The following LRP1 variants were observed in gnomAD, a reference collection of about 807,000 sequenced individuals.
The protein encoded by LRP1 is prolow-density lipoprotein receptor-related protein 1.
A neutral mutation model predicts 541.5 loss-of-function variants in LRP1; 51 were observed. The ratio of observed to expected loss-of-function variants is 0.09; its 90% CI spans 0.08 to 0.12. The LOEUF (loss-of-function observed/expected upper bound fraction) is 0.12. Ranked by LOEUF, LRP1 falls within the 10% of genes least tolerant of loss-of-function variation. The probability of loss-of-function intolerance (pLI) is 1.00; values close to 1 mark genes in which losing one functional copy is unlikely to be tolerated. For missense variants in LRP1, 3,878 were observed against 6,376.2 expected, an observed-to-expected ratio of 0.61 and a Z score of 13.34; for synonymous variants, 2,219 against 2,470.8, an observed-to-expected ratio of 0.90 and a Z score of 3.02.
Position 57,183,692 on chromosome 12 carries a change from C to T in LRP1, c.5795-83C>T. The stretch of plus-strand genomic sequence containing the variant: ...TGGCCCCTCCGGCACTCTCTCACCT[C>T]TGTCTTGAGCCTTGTGAGATTTTGA... On this transcript the variant is annotated intron_variant, in intron 35 of 88. Coordinates refer to ENST00000243077, the MANE Select transcript of LRP1 (RefSeq NM_002332.3). The surrounding 1 kb of genome is among the most constrained non-coding windows in gnomAD (Gnocchi z 6.1). The T allele has an allele frequency of 6.4e-7, 1 of 1,573,572 alleles. No homozygotes were observed. Among genetic ancestry groups the T allele is most frequent in the East Asian group, 2.2e-5 (1 of 44,618 alleles).
At chr12:57,202,563 C>CCCCCCA in intron 68 of LRP1, 26 bp downstream of exon 68, 5 of 1,488,548 alleles carry the variant, frequency 3.4e-6, no homozygotes, top group South Asian at 1.2e-5. Flanking sequence ...CCCAGCCCCG[C>CCCCCCA]ATGAGCCCCT....
chr12:57,162,713 GT>G lies in LRP1; in HGVS notation c.2405-144del. 2 of 1,082,816 alleles carry G rather than the reference GT, an allele frequency of 1.8e-6. No homozygotes were observed. The highest frequency in any genetic ancestry group is 2.7e-6 in the Non-Finnish European group (2 of 753,752). 67.1% of individuals were successfully genotyped at this position (1,082,816 alleles called of 1,614,324 possible). A position where few individuals can be genotyped will look rare whatever the true frequency, so the allele number is the denominator to read the frequency against. On this transcript the variant is annotated intron_variant, in intron 14 of 88. Transcript: ENST00000243077. This position sits in a 1 kb window ranked among gnomAD's most constrained non-coding sequence, Gnocchi z 5.2. ...ATTTCCCTTCCTGCCCCATGTCTGT[GT>G]CTCCTGTTCTTCAACATGATCTTCT...
intron 20 of LRP1, among the ~76,000 whole-genome samples, chr12:57,172,687 C>A (rs1297764487): frequency 6.6e-6 from 1 of 152,178 alleles, no homozygotes; most frequent in Non-Finnish European, 1.5e-5. Context: ...GCTTTATCTC[C>A]ATAGCTTTAT....
intron 48 of LRP1, 128 bp downstream of exon 48, chr12:57,194,140 A>G (rs949609323): frequency 9.8e-7 from 1 of 1,023,152 alleles, no homozygotes; most frequent in Admixed American, 2.1e-5. Flanking sequence ...GACAGCCTCC[A>G]TCTCCCTGAG....
At chr12:57,137,744 T>C (rs1201181541) in intron 1 of LRP1, among the ~76,000 whole-genome samples, 7 of 149,906 alleles carry the variant, frequency 4.7e-5, no homozygotes, top group Admixed American at 2.0e-4. Context: ...TGCGGTGAGC[T>C]GAGATTGTGC....
intron 1 of LRP1, among the ~76,000 whole-genome samples, chr12:57,136,395 G>GGCCCCCC: frequency 1.0e-5 from 1 of 99,124 alleles, no homozygotes; most frequent in East Asian, 2.9e-4. Flanking sequence ...CCTCCTAAGA[G>GGCCCCCC]CCCCCCCCCC....
At chr12:57,196,897 G>A (rs748942871) in intron 55 of LRP1, 85 bp from the exon 56 acceptor site, 92 of 1,211,354 alleles carry the variant, frequency 7.6e-5, no homozygotes, top group Admixed American at 3.2e-4. Context: ...CCGGGTAGAG[G>A]GAATTGGAGT....
rs762608163 is a variant in LRP1, at chr12:57,190,890, G to A, written c.7117G>A (p.Glu2373Lys). 4.3e-6 allele frequency: 7 copies of A among 1,613,890 alleles called. No homozygotes were observed. Among genetic ancestry groups the A allele is most frequent in the Admixed American group, 3.3e-5 (2 of 60,032 alleles). ...LSGANVLTLI[E>K]KDIRTPNGLA... The stretch of plus-strand genomic sequence containing the variant: ...GGGAGCCAATGTCCTGACCCTTATC[G>A]AGAAGGACATCCGTACCCCCAATGG... Residue 2373 changes from glutamate (E) to lysine (K), a missense_variant, in exon 43 of 89, where the codon GAG becomes AAG. Glu to Lys is a moderately conservative substitution (Grantham distance 56). This residue lies in a region of LRP1 where 1,100 missense variants were observed against 1,827.4 expected (regional missense o/e 0.60). Coordinates refer to ENST00000243077, the MANE Select transcript of LRP1 (RefSeq NM_002332.3).
At chr12:57,157,289 G>A (rs964755869) in intron 10 of LRP1, among the ~76,000 whole-genome samples, 7 of 152,188 alleles carry the variant, frequency 4.6e-5, no homozygotes, top group African/African-American at 1.7e-4. Context: ...TGTAACTTTA[G>A]GTGGTAATAA....
At chr12:57,209,994 G>C (rs780831528) in intron 80 of LRP1, 35 bp from the exon 81 acceptor site, 40 of 1,588,164 alleles carry the variant, frequency 2.5e-5, no homozygotes, top group Non-Finnish European at 3.3e-5. Context: ...GAAGGGTCCT[G>C]CTCAGCATCC....
At chr12:57,180,600 AATGGGCCCTTCAGGAGAGCTGGGT>A in intron 32 of LRP1, 43 bp from the exon 33 acceptor site, 1 of 1,608,434 alleles carries the variant, frequency 6.2e-7, no homozygotes, top group African/African-American at 1.3e-5. Flanking sequence ...ACTTAGGGCC[AATGGGCCCTTCAGGAGAGCTGGGT>A]GTGGGGCCTT....
At chr12:57,153,551 C>T (rs36116905) in intron 6 of LRP1, among the ~76,000 whole-genome samples, 147 of 152,292 alleles carry the variant, frequency 9.7e-4, no homozygotes, top group Admixed American at 2.2e-3. Flanking sequence ...CTCTTCTGAC[C>T]CTCCCCAGGA....
chr12:57,182,276 T>A (rs1364777583), intron 34 of LRP1, among the ~76,000 whole-genome samples: 1 of 152,096 alleles, frequency 6.6e-6, no homozygotes, highest in Non-Finnish European at 1.5e-5. Flanking sequence ...TTTGGGAGGC[T>A]GAGGCCGGCC....
At chr12:57,157,109 C>T (rs1344275951) in intron 10 of LRP1, among the ~76,000 whole-genome samples, 189 bp downstream of exon 10, 2 of 152,150 alleles carry the variant, frequency 1.3e-5, no homozygotes, top group South Asian at 2.1e-4. Flanking sequence ...TCTCACTCAC[C>T]CACCGGACTC....
chr12:57,209,018 A>G, intron 78 of LRP1, 65 bp from the exon 79 acceptor site: 1 of 1,346,130 alleles, frequency 7.4e-7, no homozygotes, highest in Non-Finnish European at 1.1e-6. Flanking sequence ...GCATGGAGGC[A>G]GTTCTTTCCA....
chr12:57,130,864 G>T (rs1175508335), intron 1 of LRP1, among the ~76,000 whole-genome samples: 1 of 152,072 alleles, frequency 6.6e-6, no homozygotes, highest in African/African-American at 2.4e-5. Flanking sequence ...CGCCCCCTCT[G>T]TATCTCCAGC....
At chr12:57,180,262 C>A in intron 31 of LRP1, 68 bp from the exon 32 acceptor site, 2 of 1,594,996 alleles carry the variant, frequency 1.3e-6, no homozygotes, top group Non-Finnish European at 1.7e-6. Context: ...CTGTTCTCAC[C>A]ATCTGCTCCC....
At chr12:57,170,290 G>A (rs757933341) in intron 20 of LRP1, among the ~76,000 whole-genome samples, 1 of 152,182 alleles carries the variant, frequency 6.6e-6, no homozygotes, top group Non-Finnish European at 1.5e-5. Flanking sequence ...TCCAAATAAA[G>A]TCATATTCAC....
At chr12:57,159,240 C>T (rs2035681757) in intron 11 of LRP1, among the ~76,000 whole-genome samples, 1 of 152,106 alleles carries the variant, frequency 6.6e-6, no homozygotes, top group Non-Finnish European at 1.5e-5. Flanking sequence ...TGGTGGATGC[C>T]AGTTATAACC....
Sources: gnomAD v4.1 joint callset for allele counts (sites outside exome capture counted in the v4.1 genomes callset) on GRCh38, gnomAD v4.1.1 for gene constraint, gnomAD v4.1.1 regional missense constraint, Gnocchi (gnomAD v3.1) non-coding constraint, MANE v1.5 for transcripts, NCBI Gene and HGNC (gene_info 2026-07-23, HGNC 2026-07-21) for gene names.